Variants in COL21A1 observed in about 807,000 individuals in gnomAD.
COL21A1 encodes the protein collagen type XXI alpha 1 chain.
COL21A1 carries 149 observed loss-of-function variants against 137.9 expected under a neutral mutation model. The observed-to-expected ratio is 1.08, with a 90% CI of 0.95 to 1.24. The LOEUF is 1.24. COL21A1 is among the 50% of genes most tolerant of loss of function. The probability of loss-of-function intolerance (pLI) is 0.00; values close to 1 mark genes in which losing one functional copy is unlikely to be tolerated. For missense variants in COL21A1, 1,167 were observed against 1,158.4 expected (o/e 1.01, Z -0.11); for synonymous variants, 456 against 391.5 (o/e 1.16, Z -1.95).
intron 1 of COL21A1, among the ~76,000 whole-genome samples, chr6:56,300,620 T>A (rs550499945): frequency 6.6e-6 from 1 of 152,170 alleles, no homozygotes; most frequent in Admixed American, 6.6e-5. Context: ...ATCCATTAAC[T>A]GTCAATCTAC....
At chr6:56,113,333 G>A (rs1771616323) in intron 16 of COL21A1, among the ~76,000 whole-genome samples, 1 of 152,112 alleles carries the variant, frequency 6.6e-6, no homozygotes. Flanking sequence ...AGAGTGAAGA[G>A]GACTTTGTCT....
chr6:56,344,685 G>T (rs1765550236), intron 1 of COL21A1, among the ~76,000 whole-genome samples: 1 of 152,038 alleles, frequency 6.6e-6, no homozygotes, highest in Non-Finnish European at 1.5e-5. Context: ...TGGAGGACAG[G>T]CCTGGTGGGG....
chr6:56,095,078 T>C (rs1457309293), intron 17 of COL21A1, among the ~76,000 whole-genome samples: 3 of 152,236 alleles, frequency 2.0e-5, no homozygotes, highest in Admixed American at 6.5e-5. Flanking sequence ...TAAAATTTCC[T>C]TGGATCTGAC....
In COL21A1 at chr6:56,074,223, C is replaced by T; in HGVS notation, c.1965+9G>A. ...AAGTTCCCAGTCTTGTTTATTTTATCATATTTACCTTAGATCCCGGTGTTC... is the reference window on the plus strand; with the variant it reads ...AAGTTCCCAGTCTTGTTTATTTTATTATATTTACCTTAGATCCCGGTGTTC... On this transcript the variant is annotated intron_variant, in intron 20 of 29. Transcript: ENST00000244728. The T allele has an allele frequency of 6.4e-7, 1 of 1,565,908 alleles. No homozygotes were observed. Among genetic ancestry groups the T allele is most frequent in the Non-Finnish European group, 8.6e-7 (1 of 1,156,376 alleles).
At chr6:56,165,917 C>CACACAT (rs67664346) in intron 7 of COL21A1, among the ~76,000 whole-genome samples, 75,588 of 146,390 alleles carry the variant, frequency 0.52, 19,209 homozygotes, top group East Asian at 0.75. Flanking sequence ...TACACACACA[C>CACACAT]ACACACACAC....
chr6:56,215,334 T>C (rs1780415676), intron 1 of COL21A1, among the ~76,000 whole-genome samples: 1 of 152,070 alleles, frequency 6.6e-6, no homozygotes, highest in African/African-American at 2.4e-5. Flanking sequence ...GTAGGAAACC[T>C]TATCCTGCAG....
chr6:56,177,763 G>A (rs1777600766), intron 3 of COL21A1, among the ~76,000 whole-genome samples: 1 of 132,028 alleles, frequency 7.6e-6, no homozygotes, highest in East Asian at 2.3e-4. Flanking sequence ...CTGCACTCCA[G>A]CCTGGGTGAC....
intron 1 of COL21A1, among the ~76,000 whole-genome samples, chr6:56,217,975 GA>G (rs1440382757): frequency 6.6e-6 from 1 of 152,060 alleles, no homozygotes; most frequent in East Asian, 1.9e-4. Flanking sequence ...TCTCACATGA[GA>G]ATGACATGTC....
chr6:56,127,311 C>T (rs967401011), intron 12 of COL21A1, among the ~76,000 whole-genome samples: 6 of 152,122 alleles, frequency 3.9e-5, no homozygotes, highest in Non-Finnish European at 7.4e-5. Context: ...GTTTATCTTT[C>T]CTGGAGTCAA....
chr6:56,076,846 C>A (rs892125274), intron 18 of COL21A1, among the ~76,000 whole-genome samples: 1 of 151,378 alleles, frequency 6.6e-6, no homozygotes, highest in African/African-American at 2.4e-5. Context: ...TCCAGAACTA[C>A]TGGAAATAAT....
chr6:56,190,311 A>G (rs1192291059), intron 1 of COL21A1, among the ~76,000 whole-genome samples: 2 of 152,362 alleles, frequency 1.3e-5, no homozygotes, highest in African/African-American at 2.4e-5. Flanking sequence ...TACTATAAAC[A>G]TGTCTACGCA....
At chr6:56,353,452 G>C (rs541777430) in intron 1 of COL21A1, among the ~76,000 whole-genome samples, 3 of 152,238 alleles carry the variant, frequency 2.0e-5, no homozygotes, top group African/African-American at 7.2e-5. Context: ...AGAAGCTTCT[G>C]TGAGGTCAGA....
intron 1 of COL21A1, among the ~76,000 whole-genome samples, chr6:56,289,038 A>G (rs1322082604): frequency 1.3e-5 from 2 of 152,174 alleles, no homozygotes; most frequent in Non-Finnish European, 2.9e-5. Context: ...TCTTGGTCAT[A>G]TTAACTTTAA....
chr6:56,296,190 A>G (rs1338907515), intron 1 of COL21A1, among the ~76,000 whole-genome samples: 1 of 151,962 alleles, frequency 6.6e-6, no homozygotes, highest in African/African-American at 2.4e-5. Flanking sequence ...AATCTGTCTT[A>G]AAACATGGTA....
At chr6:56,160,384 G>T (rs1776105520) in intron 9 of COL21A1, among the ~76,000 whole-genome samples, 2 of 152,208 alleles carry the variant, frequency 1.3e-5, no homozygotes, top group African/African-American at 4.8e-5. Context: ...AGGTCACACA[G>T]CAGTGATAGA....
chr6:56,342,267 G>A (rs1765487518), intron 1 of COL21A1, among the ~76,000 whole-genome samples: 1 of 152,202 alleles, frequency 6.6e-6, no homozygotes, highest in Non-Finnish European at 1.5e-5. Context: ...TTCTGGACAT[G>A]TATATACATG....
intron 16 of COL21A1, among the ~76,000 whole-genome samples, chr6:56,112,070 T>G (rs540511199): frequency 1.3e-5 from 2 of 151,958 alleles, no homozygotes; most frequent in Non-Finnish European, 2.9e-5. Context: ...TAAGACTGCG[T>G]TGTTGAGGAA....
chr6:56,222,437 T>C (rs960456640), intron 1 of COL21A1, among the ~76,000 whole-genome samples: 10 of 152,148 alleles, frequency 6.6e-5, no homozygotes, highest in Non-Finnish European at 1.0e-4. Flanking sequence ...CATCCATTCA[T>C]CTAAAAAGCT....
chr6:56,200,381 T>A (rs1348241648), intron 1 of COL21A1, among the ~76,000 whole-genome samples: 2 of 152,034 alleles, frequency 1.3e-5, no homozygotes, highest in Non-Finnish European at 2.9e-5. Context: ...TGTATACATG[T>A]GCCATGTTGG....
Sources: allele counts gnomAD v4.1 joint callset (sites outside exome capture counted in the v4.1 genomes callset), GRCh38; gene constraint gnomAD v4.1.1; transcripts MANE v1.5; gene names NCBI Gene and HGNC (gene_info 2026-07-23, HGNC 2026-07-21).